CEP95: variants seen among roughly 807,000 people sequenced by gnomAD.
The protein encoded by CEP95 is centrosomal protein of 95 kDa.
Under a neutral mutation model 111.2 loss-of-function variants are expected in CEP95, and 98 were observed. That is an observed-to-expected ratio of 0.88 (90% CI 0.75 to 1.04). The LOEUF is 1.04. Among genes scored for constraint, CEP95 ranks in the 50% least tolerant of loss-of-function variants. The pLI is 0.00. For missense variants in CEP95, 1,027 were observed against 977.2 expected (o/e 1.05, Z -0.68); for synonymous variants, 323 against 327.1 (o/e 0.99, Z 0.14).
At chr17:64,524,305 GTTGT>G (rs1485287866) in intron 8 of CEP95, among the ~76,000 whole-genome samples, 12 of 151,992 alleles carry the variant, frequency 7.9e-5, no homozygotes, top group African/African-American at 9.7e-5. Flanking sequence ...TTAGTAAAAG[GTTGT>G]TTGTTTTATT....
rs1555673173 is a variant in CEP95, at chr17:64,507,102, C to A, written c.5C>A (p.Ala2Glu). 2 of 1,551,312 alleles carry A rather than the reference C, an allele frequency of 1.3e-6. No individual in the cohort carries two copies. Among genetic ancestry groups the A allele is most frequent in the Non-Finnish European group, 1.7e-6 (2 of 1,146,962 alleles). M[A>E]GSDAEWVTIA... ...GCGGCGACCTGCCTCTGAAACATGG[C>A]AGGCTCGGATGCTGGTGAGTGTCTC... The change falls in exon 1 of 20, where the codon GCA becomes GAA. Residue 2 changes from alanine (A) to glutamate (E), a missense_variant. Ala to Glu is a moderately radical substitution (Grantham distance 107). Transcript: ENST00000556440.
chr17:64,509,379 C>G (rs184636790), intron 2 of CEP95, among the ~76,000 whole-genome samples: 14 of 152,272 alleles, frequency 9.2e-5, no homozygotes, highest in Non-Finnish European at 1.2e-4. Flanking sequence ...GTTGGCTATT[C>G]AAAAGGACAT....
chr17:64,531,047 G>A (rs1555680210), intron 13 of CEP95, 29 bp downstream of exon 13: 1 of 1,317,246 alleles, frequency 7.6e-7, no homozygotes, highest in South Asian at 1.3e-5. Flanking sequence ...TGTAATAAAT[G>A]CCATTTGATC....
intron 8 of CEP95, among the ~76,000 whole-genome samples, chr17:64,523,534 T>A (rs1967540116): frequency 6.6e-6 from 1 of 151,728 alleles, no homozygotes; most frequent in East Asian, 1.9e-4. Flanking sequence ...GCCACTGCGC[T>A]CCAGCCTGGG....
chr17:64,513,018 C>A (rs2038972863), intron 3 of CEP95, among the ~76,000 whole-genome samples: 1 of 152,108 alleles, frequency 6.6e-6, no homozygotes, highest in Non-Finnish European at 1.5e-5. Context: ...GGCTGGCAGT[C>A]TTAGTTGCTA....
upstream of CEP95, chr17:64,506,789 G>GGGCTGCC: frequency 1.9e-6 from 1 of 539,904 alleles, no homozygotes; most frequent in East Asian, 3.2e-5. Flanking sequence ...GGACCCGCCC[G>GGGCTGCC]GGCTGCCGGC....
intron 19 of CEP95, 157 bp downstream of exon 19, chr17:64,537,269 T>G (rs1157649460): frequency 1.4e-6 from 2 of 1,408,156 alleles, no homozygotes; most frequent in African/African-American, 1.5e-5. Context: ...CACTGACATT[T>G]TGCACAACAA....
chr17:64,532,627 C>T, intron 14 of CEP95: 2 of 1,344,794 alleles, frequency 1.5e-6, no homozygotes, highest in Non-Finnish European at 1.9e-6. Context: ...ACCAGCATGG[C>T]ATCAATCCAG....
At position 64,532,938 on chromosome 17, in the gene CEP95, T is replaced by C; in HGVS notation, c.1772T>C (p.Ile591Thr). 2 of 1,613,870 alleles carry C rather than the reference T, an allele frequency of 1.2e-6. No individual in the cohort carries two copies. Among genetic ancestry groups the C allele is most frequent in the Non-Finnish European group, 1.7e-6 (2 of 1,179,850 alleles). Residue 591 changes from isoleucine (I) to threonine (T), a missense_variant, in exon 15 of 20, where the codon ATT becomes ACT. Ile to Thr is a moderately conservative substitution (Grantham distance 89). Transcript: ENST00000556440. ...CTAAGCAAAATGTGGAAACAGCAAA[T>C]TGCACAGGTTGAACAGCTTAAGAAA... ...PTLSKMWKQQ[I>T]AQVEQLKKEA...
At position 64,534,659 on chromosome 17, in the gene CEP95, TC is replaced by T; in HGVS notation, c.1993del (p.Arg665ValfsTer17). ...KIKENRQQIV[R>X]ARKYYDDYRV... ...TAAAAGAAAATCGACAGCAAATCGT[TC>T]GTGCTCGAAAATATTATGATGATTA... is the stretch of plus-strand genomic sequence containing the variant. On this transcript the variant is annotated frameshift_variant, in exon 17 of 20. Transcript: ENST00000556440. LOFTEE classifies it high-confidence loss of function. The T allele has an allele frequency of 6.2e-7, 1 of 1,613,744 alleles. No homozygotes were observed. Among genetic ancestry groups the T allele is most frequent in the Non-Finnish European group, 8.5e-7 (1 of 1,179,774 alleles).
At chr17:64,507,148 G>T (rs782128901) in intron 1 of CEP95, 32 bp downstream of exon 1, 1 of 1,551,386 alleles carries the variant, frequency 6.4e-7, no homozygotes. Context: ...CAGTATGTGT[G>T]GACTGAAACC....
At chr17:64,519,508 G>T (rs1967146838) in intron 6 of CEP95, 72 bp downstream of exon 6, 1 of 1,147,454 alleles carries the variant, frequency 8.7e-7, no homozygotes, top group Admixed American at 1.9e-5. Flanking sequence ...GTATGTAGGA[G>T]TGTTTAAAAT....
intron 3 of CEP95, among the ~76,000 whole-genome samples, chr17:64,511,690 G>A (rs1428715349): frequency 6.6e-6 from 1 of 152,166 alleles, no homozygotes; most frequent in Non-Finnish European, 1.5e-5. Context: ...AAGATGACAG[G>A]ATTAAGAGAT....
At position 64,514,409 on chromosome 17, in the gene CEP95, C is replaced by T. The variant is rs1007398979; in HGVS notation, c.367+51C>T. On this transcript the variant is annotated intron_variant, in intron 4 of 19. Transcript: ENST00000556440. ...TTGGTTTACCTTTTATGATGTGTCC[C>T]TTTTGCCTTTTATCTTTTTGTGTAT... is the stretch of plus-strand genomic sequence containing the variant. The T allele has an allele frequency of 3.7e-5, 29 of 785,296 alleles. No individual in the cohort carries two copies. In the African/African-American group the frequency reaches 4.7e-4, roughly 13 times the overall value. 48.6% of individuals were successfully genotyped at this position (785,296 alleles called of 1,614,324 possible). A position where few individuals can be genotyped will look rare whatever the true frequency, so the allele number is the denominator to read the frequency against.
rs188018744 is a variant in CEP95 at position 64,524,447 on chromosome 17, C to T, written c.910-1323C>T. On this transcript the variant is annotated intron_variant, in intron 8 of 19. Coordinates refer to ENST00000556440, the MANE Select transcript of CEP95 (RefSeq NM_138363.3). The stretch of plus-strand genomic sequence containing the variant: ...TCAGCCTCCCAAGTAGCTGGGACTA[C>T]AGGCACACGTGCCACCACACCTGGC... 4.8e-3 allele frequency among the ~76,000 whole-genome samples: 731 copies of T among 152,170 alleles called. 4 individuals are homozygous for T. Among genetic ancestry groups the T allele is most frequent in the Non-Finnish European group, 7.0e-3 (479 of 68,002 alleles).
In CEP95 at chr17:64,532,828, T is replaced by G. The variant is rs1555680575; in HGVS notation, c.1673-11T>G. ...CGTCTCAGATTAAGAACATCTTATT[T>G]TACCTTGCAGTGAAAGTAAGTGAAC... On this transcript the variant is annotated splice_polypyrimidine_tract_variant and intron_variant, in intron 14 of 19. Coordinates refer to ENST00000556440, the MANE Select transcript of CEP95 (RefSeq NM_138363.3). 1.2e-6 allele frequency: 2 copies of G among 1,603,774 alleles called. No individual in the cohort carries two copies. The highest frequency in any genetic ancestry group is 2.2e-5 in the East Asian group (1 of 44,798).
At chr17:64,519,926 A>G (rs536137864) in intron 6 of CEP95, among the ~76,000 whole-genome samples, 30 of 152,242 alleles carry the variant, frequency 2.0e-4, no homozygotes, top group South Asian at 1.5e-3. Context: ...CCCTCCTCCA[A>G]TCATCCTACT....
Position 64,529,346 on chromosome 17 carries a change from T to G in CEP95, c.1365T>G (p.Val455=). The G allele has an allele frequency of 6.2e-7, 1 of 1,613,824 alleles. No individual in the cohort carries two copies. Among genetic ancestry groups the G allele is most frequent in the Non-Finnish European group, 8.5e-7 (1 of 1,179,810 alleles). ...CCCATTCGCTCTCTCCATCTCCAGT[T>G]AACAAACACAAACAGTTCCACTTGG... ...YRSHSLSPSP[V]NKHKQFHLER... is the part of the protein sequence containing the mutation. Residue 455 remains valine (V), a synonymous_variant, in exon 12 of 20, where the codon GTT becomes GTG. Transcript: ENST00000556440.
At position 64,507,047 on chromosome 17, in the gene CEP95, C is replaced by A; in HGVS notation, c.-51C>A. 6.5e-7 allele frequency: 1 copy of A among 1,550,074 alleles called. No homozygotes were observed. On this transcript the variant is annotated 5_prime_UTR_variant, in exon 1 of 20. Coordinates refer to ENST00000556440, the MANE Select transcript of CEP95 (RefSeq NM_138363.3). ...TGCGTGGATCGGTCCTTCCAGGACA[C>A]CGTCGCCTTCCCGGCCGCGTCGGAG...
Sources: gnomAD v4.1 joint callset for allele counts (sites outside exome capture counted in the v4.1 genomes callset) on GRCh38, gnomAD v4.1.1 for gene constraint, MANE v1.5 for transcripts, NCBI Gene and HGNC (gene_info 2026-07-23, HGNC 2026-07-21) for gene names.